SEMA4D: variants seen among roughly 807,000 people sequenced by gnomAD.
SEMA4D encodes semaphorin-4D.
A neutral mutation model predicts 74.8 loss-of-function variants in SEMA4D; 22 were observed. The observed-to-expected ratio is 0.29, with a 90% CI of 0.21 to 0.42. SEMA4D has a LOEUF of 0.42. SEMA4D is among the 10% of genes least tolerant of loss of function. SEMA4D has a pLI of 1.00. For missense variants in SEMA4D, 937 were observed against 1,118.4 expected, an observed-to-expected ratio of 0.84 and a Z score of 2.31; for synonymous variants, 445 against 463.7, an observed-to-expected ratio of 0.96 and a Z score of 0.52.
intron 2 of SEMA4D, among the ~76,000 whole-genome samples, chr9:89,419,075 C>T (rs990120729): frequency 6.6e-6 from 1 of 151,040 alleles, no homozygotes; most frequent in Non-Finnish European, 1.5e-5. Context: ...TTAGACACGG[C>T]CATCCAGGCA....
chr9:89,363,219 C>T (rs1376594190), intron 18 of SEMA4D, among the ~76,000 whole-genome samples: 2 of 152,188 alleles, frequency 1.3e-5, no homozygotes, highest in Non-Finnish European at 2.9e-5. Context: ...AGGGCTGGGG[C>T]CAGATGCCCC....
At position 89,386,497 on chromosome 9, in the gene SEMA4D, C is replaced by T. The variant is rs377195320; in HGVS notation, c.1331-15G>A. The stretch of plus-strand genomic sequence containing the variant: ...AGCTCCCCGGTCTGCAGGGCCAAAG[C>T]TACAGGTCAGTGACACTAACCCAGA... On this transcript the variant is annotated splice_polypyrimidine_tract_variant and intron_variant, in intron 12 of 15. Transcript: ENST00000422704. 1.4e-4 allele frequency: 221 copies of T among 1,596,484 alleles called. No individual in the cohort carries two copies. The highest frequency in any genetic ancestry group is 1.9e-4 in the Non-Finnish European group (216 of 1,164,242).
intron 16 of SEMA4D, among the ~76,000 whole-genome samples, chr9:89,371,940 T>A (rs1834996277): frequency 7.8e-6 from 1 of 128,304 alleles, no homozygotes; most frequent in African/African-American, 3.0e-5. Flanking sequence ...GTGTGGGGTG[T>A]GGTGTGTGTG....
intron 9 of SEMA4D, among the ~76,000 whole-genome samples, chr9:89,389,729 C>T (rs368879164): frequency 3.3e-5 from 5 of 152,186 alleles, no homozygotes; most frequent in African/African-American, 1.2e-4. Flanking sequence ...ATAGAAGCAG[C>T]CTTACTTATT....
chr9:89,418,511 G>T, intron 2 of SEMA4D: 1 of 742,336 alleles, frequency 1.3e-6, no homozygotes, highest in Non-Finnish European at 1.6e-6. Context: ...ATCTTCATGA[G>T]GCAAAGAAGG....
chr9:89,399,478 G>T lies in SEMA4D; in HGVS notation c.253-140C>A, dbSNP rs192335592. 2,099 of 664,860 alleles carry T rather than the reference G, an allele frequency of 3.2e-3. 24 individuals carry two copies. The highest frequency in any genetic ancestry group is 0.023 in the East Asian group (836 of 36,890). The allele number at this position is 664,860 out of a possible 1,614,324, so 41.2% of individuals were successfully genotyped here. Reference sequence around the variant, plus strand: ...GATCAATTCTCAGACTGCAAGGGAGGTTCAGAGAGCAGGGGAGCAGCCTGG... The same window carrying T: ...GATCAATTCTCAGACTGCAAGGGAGTTTCAGAGAGCAGGGGAGCAGCCTGG... On this transcript the variant is annotated intron_variant, in intron 4 of 15. Transcript: ENST00000422704.
At chr9:89,408,760 C>T (rs1171517707) in intron 2 of SEMA4D, among the ~76,000 whole-genome samples, 1 of 152,240 alleles carries the variant, frequency 6.6e-6, no homozygotes, top group Non-Finnish European at 1.5e-5. Flanking sequence ...GGTCCATGTG[C>T]TGCAGTCCCA....
In SEMA4D at chr9:89,450,660, G is replaced by GGAAAAAAAAAAAAAAAAAAAAAA. The variant is rs1491451024; in HGVS notation, c.-244+5227_-244+5228insTTTTTTTTTTTTTTTTTTTTTTC. The GGAAAAAAAAAAAAAAAAAAAAAA allele has an allele frequency of 1.5e-4, 63 of 430,444 alleles. 8 individuals carry two copies. The highest frequency in any genetic ancestry group is 4.4e-4 in the African/African-American group (8 of 18,134). 26.7% of individuals were successfully genotyped at this position (430,444 alleles called of 1,614,324 possible). A position where few individuals can be genotyped will look rare whatever the true frequency, so the allele number is the denominator to read the frequency against. ...GAGTTCTGCAAGTCGAAAAACCCAG[G>GGAAAAAAAAAAAAAAAAAAAAAA]AAAAAAAAAAAAAAAAAAAAAAAAA... On this transcript the variant is annotated intron_variant, in intron 2 of 15. Transcript: ENST00000422704.
At chr9:89,412,831 GT>G (rs965215053) in intron 2 of SEMA4D, among the ~76,000 whole-genome samples, 95 of 151,036 alleles carry the variant, frequency 6.3e-4, no homozygotes, top group African/African-American at 2.1e-3. Context: ...ACACTGGAGG[GT>G]TTTTTTTTCC....
chr9:89,362,265 A>G (rs1426505188), exon 19 of SEMA4D: 26 of 1,479,058 alleles, frequency 1.8e-5, no homozygotes, highest in Non-Finnish European at 2.4e-5. Context: ...TGGTGGCCCA[A>G]TGGCTGTGTT....
At chr9:89,437,435 C>T (rs534257929) in intron 2 of SEMA4D, among the ~76,000 whole-genome samples, 3 of 152,320 alleles carry the variant, frequency 2.0e-5, no homozygotes, top group South Asian at 2.1e-4. Context: ...GTGTGAAGCT[C>T]GCCCTGAGTC....
At chr9:89,485,267 G>C (rs1825090491) in intron 1 of SEMA4D, among the ~76,000 whole-genome samples, 2 of 151,994 alleles carry the variant, frequency 1.3e-5, no homozygotes, top group African/African-American at 4.8e-5. Context: ...CATCTCATTA[G>C]GCATATTTTA....
chr9:89,379,888 C>T (rs1370644354), intron 15 of SEMA4D, among the ~76,000 whole-genome samples: 2 of 152,194 alleles, frequency 1.3e-5, no homozygotes, highest in Non-Finnish European at 2.9e-5. Flanking sequence ...CAGAAGAAAA[C>T]GCGTCAGGCT....
intron 2 of SEMA4D, among the ~76,000 whole-genome samples, chr9:89,406,720 G>A (rs545315449): frequency 6.6e-6 from 1 of 152,254 alleles, no homozygotes; most frequent in Non-Finnish European, 1.5e-5. Context: ...TGGGATCCCT[G>A]AGTCCCTTGC....
At chr9:89,465,553 C>T (rs1301738252) in intron 1 of SEMA4D, among the ~76,000 whole-genome samples, 1 of 152,018 alleles carries the variant, frequency 6.6e-6, no homozygotes, top group Non-Finnish European at 1.5e-5. Context: ...AGAGGTTGCA[C>T]AACATTGCAA....
rs754628565 is a variant in SEMA4D, at chr9:89,388,650, G to C, written c.1093C>G (p.Pro365Ala). The C allele has an allele frequency of 6.2e-7, 1 of 1,600,470 alleles. No homozygotes were observed. The highest frequency in any genetic ancestry group is 1.3e-5 in the African/African-American group (1 of 74,618). The change falls in exon 11 of 16, where the codon CCG becomes GCG. Residue 365 changes from proline to alanine, a missense_variant. Transcript: ENST00000422704. ...CCCCAGCTCACCGCTCCAGGCCGCG[G>C]CTTGGGTACCGGGCCATTATAGCGC... ...WVRYNGPVPKPRPGACIDSEA... is the reference protein window; with the variant it reads ...WVRYNGPVPKARPGACIDSEA...
intron 1 of SEMA4D, among the ~76,000 whole-genome samples, chr9:89,474,391 T>C (rs1296351483): frequency 1.3e-5 from 2 of 152,116 alleles, no homozygotes; most frequent in South Asian, 2.1e-4. Flanking sequence ...AGTGGACAAA[T>C]AAAATATAAA....
At chr9:89,385,334 TG>T (rs1434267817) in intron 13 of SEMA4D, 1 of 985,244 alleles carries the variant, frequency 1.0e-6, no homozygotes, top group African/African-American at 1.7e-5. Flanking sequence ...TTAGAGATGT[TG>T]TAGGTGCCTG....
At chr9:89,405,213 C>T (rs1052584208) in intron 3 of SEMA4D, 138 bp downstream of exon 3, 1 of 714,004 alleles carries the variant, frequency 1.4e-6, no homozygotes, top group African/African-American at 1.8e-5. Context: ...AGTGGAGTCC[C>T]TGTCCCGTTC....
Sources: allele counts gnomAD v4.1 joint callset (sites outside exome capture counted in the v4.1 genomes callset), GRCh38; gene constraint gnomAD v4.1.1; transcripts MANE v1.5; gene names NCBI Gene and HGNC (gene_info 2026-07-23, HGNC 2026-07-21).